CDH13: variants seen among roughly 807,000 people sequenced by gnomAD.
CDH13 encodes cadherin-13.
CDH13 carries 24 observed loss-of-function variants against 63.8 expected under a neutral mutation model. That is an observed-to-expected ratio of 0.38 (90% CI 0.27 to 0.53). The LOEUF is 0.53. Ranked by LOEUF, CDH13 falls within the 20% of genes least tolerant of loss-of-function variation. The pLI is 0.85. For missense variants in CDH13, 1,049 were observed against 903.1 expected, an observed-to-expected ratio of 1.16 and a Z score of -2.07; for synonymous variants, 503 against 355.3, an observed-to-expected ratio of 1.42 and a Z score of -4.67.
At chr16:83,271,542 T>C (rs1457382831) in intron 5 of CDH13, among the ~76,000 whole-genome samples, 1 of 145,466 alleles carries the variant, frequency 6.9e-6, no homozygotes, top group African/African-American at 2.5e-5. Context: ...AAAAAAACGC[T>C]GTACCTAGAA....
intron 2 of CDH13, among the ~76,000 whole-genome samples, chr16:82,951,594 G>A (rs550406771): frequency 3.3e-4 from 51 of 152,262 alleles, no homozygotes; most frequent in African/African-American, 1.2e-3. Flanking sequence ...TTGTTGAGAT[G>A]CCCAAGCAGG....
intron 6 of CDH13, among the ~76,000 whole-genome samples, chr16:83,345,507 T>C (rs1742545112): frequency 6.6e-6 from 1 of 152,216 alleles, no homozygotes; most frequent in Admixed American, 6.5e-5. Context: ...AAAAGGAGGA[T>C]GTTTGATATC....
chr16:82,896,088 A>G (rs1685966486), intron 2 of CDH13, among the ~76,000 whole-genome samples: 1 of 152,016 alleles, frequency 6.6e-6, no homozygotes, highest in Non-Finnish European at 1.5e-5. Flanking sequence ...TTTATATAAT[A>G]TTTCACAACC....
intron 7 of CDH13, among the ~76,000 whole-genome samples, chr16:83,593,552 T>A (rs1421091641): frequency 6.6e-6 from 1 of 151,066 alleles, no homozygotes; most frequent in African/African-American, 2.4e-5. Flanking sequence ...ACTCTATTCA[T>A]TATTTTTTAT....
intron 4 of CDH13, among the ~76,000 whole-genome samples, chr16:83,151,629 CT>C (rs2036985657): frequency 6.6e-6 from 1 of 151,948 alleles, no homozygotes; most frequent in Admixed American, 6.6e-5. Flanking sequence ...TCAAGGATAG[CT>C]TTAAAAAAAA....
chr16:83,156,287 A>G (rs2037203546), intron 4 of CDH13, among the ~76,000 whole-genome samples: 1 of 152,206 alleles, frequency 6.6e-6, no homozygotes, highest in Non-Finnish European at 1.5e-5. Flanking sequence ...CTGGTTCTTT[A>G]AAAGCATGCG....
At chr16:82,698,949 T>G (rs781556986) in intron 1 of CDH13, among the ~76,000 whole-genome samples, 1 of 152,074 alleles carries the variant, frequency 6.6e-6, no homozygotes, top group East Asian at 1.9e-4. Context: ...CCTTTAAAAA[T>G]GTAAAAAAAC....
At chr16:82,759,533 CA>C (rs1246344562) in intron 1 of CDH13, among the ~76,000 whole-genome samples, 2 of 150,028 alleles carry the variant, frequency 1.3e-5, no homozygotes, top group Admixed American at 6.7e-5. Context: ...GTAATATATA[CA>C]TATATGTATA....
intron 1 of CDH13, among the ~76,000 whole-genome samples, chr16:82,837,740 G>C (rs945824846): frequency 6.6e-6 from 1 of 152,170 alleles, no homozygotes; most frequent in South Asian, 2.1e-4. Flanking sequence ...CATCGAGCTG[G>C]TCACGTAGAC....
At chr16:82,756,814 G>A (rs555009591) in intron 1 of CDH13, among the ~76,000 whole-genome samples, 1 of 152,250 alleles carries the variant, frequency 6.6e-6, no homozygotes, top group Admixed American at 6.5e-5. Context: ...AATTGATGAT[G>A]AGAGAGACAG....
intron 11 of CDH13, among the ~76,000 whole-genome samples, chr16:83,763,877 G>A (rs1194215278): frequency 6.6e-6 from 1 of 152,090 alleles, no homozygotes; most frequent in Non-Finnish European, 1.5e-5. Flanking sequence ...CATTGGAGGG[G>A]CAGCACACTG....
intron 6 of CDH13, among the ~76,000 whole-genome samples, chr16:83,363,259 C>G (rs189038665): frequency 7.9e-5 from 12 of 152,286 alleles, no homozygotes; most frequent in African/African-American, 2.4e-4. Flanking sequence ...GCTTCATTGA[C>G]TTGATAGTTG....
intron 8 of CDH13, among the ~76,000 whole-genome samples, chr16:83,615,225 T>A (rs1341951205): frequency 6.6e-6 from 1 of 152,152 alleles, no homozygotes; most frequent in African/African-American, 2.4e-5. Context: ...GTTTACTTCC[T>A]TTAGGAGAAG....
chr16:83,210,993 C>T (rs1567509402), intron 4 of CDH13, among the ~76,000 whole-genome samples: 1 of 151,394 alleles, frequency 6.6e-6, no homozygotes, highest in Non-Finnish European at 1.5e-5. Flanking sequence ...ACTAAAAATA[C>T]AAAAATTAGC....
intron 6 of CDH13, among the ~76,000 whole-genome samples, chr16:83,477,996 A>G (rs1465032784): frequency 1.3e-5 from 2 of 152,016 alleles, no homozygotes; most frequent in African/African-American, 2.4e-5. Flanking sequence ...CCTGACTAAC[A>G]TGGTGAAACC....
intron 10 of CDH13, among the ~76,000 whole-genome samples, chr16:83,680,526 C>G (rs1433720018): frequency 6.6e-6 from 1 of 152,116 alleles, no homozygotes; most frequent in Admixed American, 6.6e-5. Context: ...AAGGAACATC[C>G]AGGCCAAGAT....
chr16:83,022,616 G>A (rs1422061536), intron 2 of CDH13, among the ~76,000 whole-genome samples: 1 of 152,190 alleles, frequency 6.6e-6, no homozygotes, highest in African/African-American at 2.4e-5. Flanking sequence ...GATCCTGGAG[G>A]TGGATCTGTG....
At chr16:83,678,497 G>T in intron 10 of CDH13, 36 bp downstream of exon 10, 1 of 1,611,014 alleles carries the variant, frequency 6.2e-7, no homozygotes, top group Non-Finnish European at 8.5e-7. Flanking sequence ...GACGGGAGGT[G>T]GGCAGGAATG....
intron 10 of CDH13, among the ~76,000 whole-genome samples, chr16:83,703,271 C>G (rs1906519516): frequency 1.3e-5 from 2 of 152,144 alleles, no homozygotes; most frequent in South Asian, 4.1e-4. Context: ...AGGAATATAT[C>G]TCGAAATAAT....
Sources: gnomAD v4.1 joint callset for allele counts (sites outside exome capture counted in the v4.1 genomes callset) on GRCh38, gnomAD v4.1.1 for gene constraint, MANE v1.5 for transcripts, NCBI Gene and HGNC (gene_info 2026-07-23, HGNC 2026-07-21) for gene names.